The following HDAC9 variants were observed in gnomAD, a reference collection of about 807,000 sequenced individuals.
HDAC9 encodes the protein MEF-2 interacting transcription repressor (MITR) protein.
Under a neutral mutation model 139.4 loss-of-function variants are expected in HDAC9, and 41 were observed. The ratio of observed to expected loss-of-function variants is 0.29; its 90% confidence interval spans 0.23 to 0.38. The LOEUF (loss-of-function observed/expected upper bound fraction) is 0.38, where lower values mean the gene tolerates loss of function less well. Among genes scored for constraint, HDAC9 ranks in the 10% least tolerant of loss-of-function variants. The pLI is 1.00. For synonymous variants in HDAC9, 517 were observed against 476.2 expected (o/e 1.09, Z -1.12); for missense variants, 1,147 against 1,297.0 (o/e 0.88, Z 1.78).
Position 18,835,884 on chromosome 7 carries a change from G to A in HDAC9, c.2587-16G>A, listed in dbSNP as rs932409793. On this transcript the variant is annotated splice_polypyrimidine_tract_variant and intron_variant, in intron 20 of 25. Coordinates refer to ENST00000686413, the MANE Select transcript of HDAC9 (RefSeq NM_178425.4). ...CTCTCTTCTCTGCCCACCGTGGTGT[G>A]TCTTTCTCTTCCCAGGTTGGAACAG... 4.6e-6 allele frequency: 7 copies of A among 1,514,440 alleles called. No individual in the cohort carries two copies. Among genetic ancestry groups the A allele is most frequent in the Admixed American group, 4.0e-5 (2 of 50,074 alleles). The allele number at this position is 1,514,440 out of a possible 1,614,324, so 93.8% of individuals were successfully genotyped here. A position where few individuals can be genotyped will look rare whatever the true frequency, so the allele number is the denominator to read the frequency against.
At chr7:18,718,625 T>C (rs1253717960) in intron 12 of HDAC9, among the ~76,000 whole-genome samples, 3 of 152,226 alleles carry the variant, frequency 2.0e-5, no homozygotes, top group Admixed American at 2.0e-4. Context: ...TACGGCTAGA[T>C]AATATTCTAT....
chr7:18,639,236 G>A lies in HDAC9; in HGVS notation c.912+4494G>A, dbSNP rs535641149. Among the ~76,000 whole-genome samples, 394 of 152,126 alleles carry A rather than the reference G, an allele frequency of 2.6e-3. 3 individuals carry two copies. The highest frequency in any genetic ancestry group is 3.7e-3 in the Admixed American group (56 of 15,260). On this transcript the variant is annotated intron_variant, in intron 8 of 25. Transcript: ENST00000686413. ...TTTCATAATAGTTGTTGTGACATTT[G>A]CAGTAAATGTTATGCTCCCTTCTGA...
intron 1 of HDAC9, among the ~76,000 whole-genome samples, chr7:18,391,475 T>A (rs1383800477): frequency 6.6e-6 from 1 of 152,194 alleles, no homozygotes; most frequent in African/African-American, 2.4e-5. Flanking sequence ...AGTGATATAT[T>A]TTAGATGTTT....
chr7:18,874,646 T>C (rs939984616), intron 22 of HDAC9, 50 bp downstream of exon 22: 7 of 1,061,666 alleles, frequency 6.6e-6, no homozygotes, highest in Admixed American at 2.0e-5. Flanking sequence ...TCATACCATC[T>C]TTTAGGTCTT....
At chr7:18,761,460 AAT>A (rs1184773964) in intron 14 of HDAC9, among the ~76,000 whole-genome samples, 2 of 152,232 alleles carry the variant, frequency 1.3e-5, no homozygotes, top group Non-Finnish European at 2.9e-5. Context: ...TTAAAAATGA[AAT>A]ACGGCAAAAG....
intron 1 of HDAC9, among the ~76,000 whole-genome samples, chr7:18,303,405 GTGTGTGTGTGTGTGTGTGTT>G (rs1397155919): frequency 7.7e-5 from 11 of 142,010 alleles, no homozygotes; most frequent in African/African-American, 3.0e-4. Flanking sequence ...GTGTGTGTGT[GTGTGTGTGTGTGTGTGTGTT>G]TTTAGTAGAG....
At chr7:18,791,165 G>C (rs1464708231) in intron 16 of HDAC9, among the ~76,000 whole-genome samples, 1 of 152,074 alleles carries the variant, frequency 6.6e-6, no homozygotes, top group African/African-American at 2.4e-5. Flanking sequence ...ATAATTTTTT[G>C]GAAGGAAATT....
intron 8 of HDAC9, among the ~76,000 whole-genome samples, chr7:18,636,745 A>G (rs1784015733): frequency 6.6e-6 from 1 of 152,114 alleles, no homozygotes; most frequent in African/African-American, 2.4e-5. Flanking sequence ...ATTTGCAGCC[A>G]GAGACATAAG....
chr7:18,881,313 A>C (rs1381752383), intron 22 of HDAC9, among the ~76,000 whole-genome samples: 1 of 152,112 alleles, frequency 6.6e-6, no homozygotes, highest in East Asian at 1.9e-4. Flanking sequence ...GAGACATATA[A>C]ACTTTTTTAG....
intron 1 of HDAC9, among the ~76,000 whole-genome samples, chr7:18,429,548 T>G (rs1790442498): frequency 6.7e-6 from 1 of 148,412 alleles, no homozygotes; most frequent in South Asian, 2.1e-4. Flanking sequence ...TGTGTGTGTA[T>G]TTGTGTGTGT....
intron 1 of HDAC9, among the ~76,000 whole-genome samples, chr7:18,455,133 A>C (rs1257992611): frequency 1.3e-5 from 2 of 152,134 alleles, no homozygotes; most frequent in Non-Finnish European, 2.9e-5. Flanking sequence ...ACAGGGACAT[A>C]GAAATAAGTG....
chr7:18,585,155 G>A (rs1409463252), intron 2 of HDAC9, 126 bp from the exon 3 acceptor site: 1 of 986,948 alleles, frequency 1.0e-6, no homozygotes, highest in East Asian at 2.4e-5. Context: ...GAAATGGCTA[G>A]AGTCATTGGC....
At chr7:18,698,548 T>G (rs1055021615) in intron 12 of HDAC9, among the ~76,000 whole-genome samples, 1 of 152,234 alleles carries the variant, frequency 6.6e-6, no homozygotes, top group African/African-American at 2.4e-5. Context: ...TTATGTGCCT[T>G]CCTGACCTTG....
intron 14 of HDAC9, among the ~76,000 whole-genome samples, chr7:18,758,816 G>A (rs1436952774): frequency 6.7e-6 from 1 of 149,814 alleles, no homozygotes; most frequent in Non-Finnish European, 1.5e-5. Context: ...TACTGAATTA[G>A]TTTTCACTGC....
intron 2 of HDAC9, among the ~76,000 whole-genome samples, chr7:18,170,108 C>T (rs1370426675): frequency 6.6e-6 from 1 of 152,204 alleles, no homozygotes; most frequent in Non-Finnish European, 1.5e-5. Context: ...TCTCCACATC[C>T]TCTCCAGCAT....
chr7:18,356,234 A>G (rs946851203), intron 1 of HDAC9, among the ~76,000 whole-genome samples: 7 of 152,086 alleles, frequency 4.6e-5, no homozygotes, highest in African/African-American at 1.7e-4. Flanking sequence ...GAAGTATGAC[A>G]CTAAATGTAA....
intron 1 of HDAC9, among the ~76,000 whole-genome samples, chr7:18,156,240 C>T (rs957767796): frequency 3.3e-5 from 5 of 152,102 alleles, no homozygotes; most frequent in East Asian, 1.9e-4. Context: ...GAGAGAGAAA[C>T]GGAATCCTTT....
chr7:18,945,296 A>G (rs1367796886), intron 23 of HDAC9, among the ~76,000 whole-genome samples: 1 of 152,224 alleles, frequency 6.6e-6, no homozygotes, highest in Non-Finnish European at 1.5e-5. Flanking sequence ...GCAGTTCTTC[A>G]TCTATTTATT....
intron 2 of HDAC9, among the ~76,000 whole-genome samples, chr7:18,224,560 C>G (rs996832627): frequency 6.6e-6 from 1 of 152,080 alleles, no homozygotes; most frequent in Non-Finnish European, 1.5e-5. Context: ...GTGCTTGTGT[C>G]ACAGTAGGTT....
Sources: gnomAD v4.1 joint callset for allele counts (sites outside exome capture counted in the v4.1 genomes callset) on GRCh38, gnomAD v4.1.1 for gene constraint, MANE v1.5 for transcripts, NCBI Gene and HGNC (gene_info 2026-07-23, HGNC 2026-07-21) for gene names.